The following EXT1 variants were observed in gnomAD, a reference collection of about 807,000 sequenced individuals.
EXT1 encodes exostosin-1.
Under a neutral mutation model 82.5 loss-of-function variants are expected in EXT1, and 20 were observed. The observed-to-expected ratio is 0.24, with a 90% CI of 0.17 to 0.35. The LOEUF is 0.35. EXT1 is among the 10% of genes least tolerant of loss of function. The pLI, the probability that EXT1 is intolerant of heterozygous loss-of-function variation, is 1.00. For missense variants in EXT1, 757 were observed against 936.5 expected, an observed-to-expected ratio of 0.81 and a Z score of 2.50; for synonymous variants, 348 against 350.8, an observed-to-expected ratio of 0.99 and a Z score of 0.09.
intron 10 of EXT1, among the ~76,000 whole-genome samples, 193 bp from the exon 11 acceptor site, chr8:117,800,090 TC>T (rs2129681024): frequency 6.6e-6 from 1 of 152,246 alleles, no homozygotes; most frequent in Admixed American, 6.5e-5. Flanking sequence ...TATGCTACGT[TC>T]CTCAGTGTTA....
intron 1 of EXT1, among the ~76,000 whole-genome samples, chr8:118,108,154 T>G (rs1272594158): frequency 6.6e-6 from 1 of 152,244 alleles, no homozygotes; most frequent in Non-Finnish European, 1.5e-5. Flanking sequence ...AGAAAATGCT[T>G]CCATTCCACA....
intron 8 of EXT1, among the ~76,000 whole-genome samples, chr8:117,808,776 G>A (rs1038875960): frequency 2.0e-5 from 3 of 152,104 alleles, no homozygotes; most frequent in African/African-American, 7.2e-5. Context: ...GATTAAAGAT[G>A]ATTTCTGGGT....
chr8:118,075,020 T>C (rs1280947606), intron 1 of EXT1, among the ~76,000 whole-genome samples: 1 of 152,128 alleles, frequency 6.6e-6, no homozygotes, highest in East Asian at 1.9e-4. Flanking sequence ...AAAACACTAG[T>C]CAACAAGCGG....
At chr8:118,104,530 C>T (rs17506392) in intron 1 of EXT1, among the ~76,000 whole-genome samples, 3,117 of 152,242 alleles carry the variant, frequency 0.02, 106 homozygotes, top group African/African-American at 0.063. Flanking sequence ...TATTACATGG[C>T]AATAGCTACT....
At position 117,795,284 on chromosome 8, in the gene EXT1, C is replaced by T. The variant is rs1445918419; in HGVS notation, c.*4428G>A. On this transcript the variant is annotated 3_prime_UTR_variant, in exon 11 of 11. Transcript: ENST00000378204. ...TGGAACTCTAGACCAGTGACAACTA[C>T]AATCCCTACTAGGTAAAACTCATGG... The T allele has an allele frequency of 6.6e-6, 1 of 152,128 alleles. No individual in the cohort carries two copies. Among genetic ancestry groups the T allele is most frequent in the Non-Finnish European group, 1.5e-5 (1 of 68,024 alleles). 9.4% of individuals were successfully genotyped at this position (152,128 alleles called of 1,614,324 possible).
chr8:117,817,173 C>T (rs868404237), intron 7 of EXT1, among the ~76,000 whole-genome samples: 5 of 152,264 alleles, frequency 3.3e-5, no homozygotes, highest in Middle Eastern at 3.4e-3. Context: ...GTCACATTCC[C>T]CACTGTGTTC....
At chr8:117,945,142 A>G (rs1814362824) in intron 1 of EXT1, among the ~76,000 whole-genome samples, 1 of 152,238 alleles carries the variant, frequency 6.6e-6, no homozygotes, top group South Asian at 2.1e-4. Flanking sequence ...AGCCTGGGCA[A>G]TAGAGCGAGA....
At chr8:117,909,982 G>T (rs1586279228) in intron 1 of EXT1, among the ~76,000 whole-genome samples, 1 of 152,096 alleles carries the variant, frequency 6.6e-6, no homozygotes, top group African/African-American at 2.4e-5. Flanking sequence ...TGGCCAAACT[G>T]GCCTTGAACT....
At chr8:117,840,116 C>A (rs1812250515) in intron 1 of EXT1, among the ~76,000 whole-genome samples, 1 of 152,140 alleles carries the variant, frequency 6.6e-6, no homozygotes, top group Non-Finnish European at 1.5e-5. Flanking sequence ...GGGATAATGA[C>A]AAATAGAGAA....
At chr8:118,025,788 C>T (rs1816191538) in intron 1 of EXT1, among the ~76,000 whole-genome samples, 2 of 151,914 alleles carry the variant, frequency 1.3e-5, no homozygotes, top group South Asian at 4.2e-4. Context: ...CCACTTCAAT[C>T]AAAGTTTTGA....
chr8:117,924,798 TG>T (rs1813923136), intron 1 of EXT1, among the ~76,000 whole-genome samples: 3 of 152,206 alleles, frequency 2.0e-5, no homozygotes, highest in African/African-American at 7.2e-5. Context: ...TATTGGAGTC[TG>T]CCAGTTCAAA....
chr8:117,985,019 G>A (rs571358650), intron 1 of EXT1, among the ~76,000 whole-genome samples: 1 of 151,846 alleles, frequency 6.6e-6, no homozygotes, highest in African/African-American at 2.4e-5. Context: ...CTTTCAGATG[G>A]CTGCTTAAGA....
chr8:118,077,531 A>G (rs928426506), intron 1 of EXT1, among the ~76,000 whole-genome samples: 5 of 152,240 alleles, frequency 3.3e-5, no homozygotes, highest in South Asian at 4.1e-4. Context: ...TCAAAGCAGT[A>G]AACACAAGGC....
At chr8:117,819,350 T>G (rs1024797467) in intron 6 of EXT1, among the ~76,000 whole-genome samples, 1 of 152,264 alleles carries the variant, frequency 6.6e-6, no homozygotes, top group Admixed American at 6.5e-5. Context: ...GATGTTACTT[T>G]ATCATTTTGA....
At chr8:117,923,079 C>T (rs1183609584) in intron 1 of EXT1, among the ~76,000 whole-genome samples, 2 of 151,864 alleles carry the variant, frequency 1.3e-5, no homozygotes, top group Admixed American at 1.3e-4. Flanking sequence ...AATCCCAGCA[C>T]TTTGGGAGGC....
intron 1 of EXT1, among the ~76,000 whole-genome samples, chr8:118,041,458 G>A (rs1223079622): frequency 1.3e-5 from 2 of 152,126 alleles, no homozygotes; most frequent in Non-Finnish European, 2.9e-5. Flanking sequence ...AAAACAATAG[G>A]AGTAGGGATA....
intron 1 of EXT1, among the ~76,000 whole-genome samples, chr8:117,854,457 C>A (rs1197842186): frequency 6.6e-6 from 1 of 152,126 alleles, no homozygotes; most frequent in Non-Finnish European, 1.5e-5. Flanking sequence ...AACACACACA[C>A]ACACATACAC....
At chr8:118,003,761 T>C (rs2129816563) in intron 1 of EXT1, among the ~76,000 whole-genome samples, 1 of 152,338 alleles carries the variant, frequency 6.6e-6, no homozygotes, top group South Asian at 2.1e-4. Context: ...AGTTACTAAG[T>C]TTTCTTTTTA....
In EXT1 at chr8:118,103,722, C is replaced by G. The variant is rs115589064; in HGVS notation, c.962+6363G>C. Among the ~76,000 whole-genome samples the G allele has an allele frequency of 1.5e-3, 221 of 152,242 alleles. 1 individual carries two copies. The highest frequency in any genetic ancestry group is 5.2e-3 in the African/African-American group (216 of 41,530). Reference sequence around the variant, plus strand: ...GGGGAAAGGTCACACAGACAGAATGCTAATCAGCTTCCTCACTTTTCTTAG... The same window carrying G: ...GGGGAAAGGTCACACAGACAGAATGGTAATCAGCTTCCTCACTTTTCTTAG... On this transcript the variant is annotated intron_variant, in intron 1 of 10. Transcript: ENST00000378204.
Sources: gnomAD v4.1 joint callset for allele counts (sites outside exome capture counted in the v4.1 genomes callset) on GRCh38, gnomAD v4.1.1 for gene constraint, MANE v1.5 for transcripts, NCBI Gene and HGNC (gene_info 2026-07-23, HGNC 2026-07-21) for gene names.